The following DAB1 variants were observed in gnomAD, a reference collection of about 807,000 sequenced individuals.
DAB1 encodes disabled homolog 1.
DAB1 carries 15 observed loss-of-function variants against 64.6 expected under a neutral mutation model. The ratio of observed to expected loss-of-function variants is 0.23; its 90% confidence interval spans 0.16 to 0.36. The LOEUF is 0.36. Ranked by LOEUF, DAB1 falls within the 10% of genes least tolerant of loss-of-function variation. The probability of loss-of-function intolerance (pLI) is 1.00; values close to 1 mark genes in which losing one functional copy is unlikely to be tolerated. For synonymous variants in DAB1, 235 were observed against 251.9 expected, an observed-to-expected ratio of 0.93 and a Z score of 0.64; for missense variants, 596 against 706.7, an observed-to-expected ratio of 0.84 and a Z score of 1.78.
chr1:58,247,551 G>C lies in DAB1; in HGVS notation n.309+95801C>G, dbSNP rs373825913. 1.0e-3 allele frequency among the ~76,000 whole-genome samples: 159 copies of C among 152,284 alleles called. 1 individual carries two copies. Among genetic ancestry groups the C allele is most frequent in the African/African-American group, 3.8e-3 (158 of 41,554 alleles). On this transcript the variant is annotated intron_variant and non_coding_transcript_variant, in intron 4 of 20. Coordinates refer to the DAB1 transcript ENST00000485760. ...GAAACAGAGTTCGTGACTTTCTGTG[G>C]TACAATGTGTATTTCACAAATAATT...
chr1:57,527,205 C>A (rs935180697), intron 7 of DAB1, among the ~76,000 whole-genome samples: 1 of 152,178 alleles, frequency 6.6e-6, no homozygotes, highest in Non-Finnish European at 1.5e-5. Flanking sequence ...CCAAGACGCA[C>A]CTGTCTCAGA....
intron 3 of DAB1, among the ~76,000 whole-genome samples, chr1:58,365,380 CAG>C: frequency 6.6e-6 from 1 of 152,340 alleles, no homozygotes; most frequent in South Asian, 2.1e-4. Context: ...GTGTGGTCTA[CAG>C]AGAGTCTGGA....
intron 7 of DAB1, among the ~76,000 whole-genome samples, chr1:57,623,604 C>A (rs1645887767): frequency 6.6e-6 from 1 of 152,068 alleles, no homozygotes; most frequent in Admixed American, 6.6e-5. Context: ...CTGAGTGGGA[C>A]ATGCAAGAGG....
intron 2 of DAB1, among the ~76,000 whole-genome samples, chr1:57,194,926 G>A (rs1664499871): frequency 6.6e-6 from 1 of 152,228 alleles, no homozygotes; most frequent in Admixed American, 6.5e-5. Flanking sequence ...GGAGGGACAA[G>A]AGGCTCATTC....
chr1:58,254,383 A>AT (rs111526055), intron 4 of DAB1, among the ~76,000 whole-genome samples: 64,914 of 145,512 alleles, frequency 0.45, 15,056 homozygotes, highest in East Asian at 0.67. Context: ...GAATTTATTT[A>AT]TTTTTTTTTC....
At chr1:58,111,691 T>C (rs757384195) in intron 5 of DAB1, among the ~76,000 whole-genome samples, 14 of 152,080 alleles carry the variant, frequency 9.2e-5, no homozygotes, top group Non-Finnish European at 1.3e-4. Flanking sequence ...CTTATCTGAG[T>C]TCTATCTCTT....
chr1:57,434,790 T>C (rs1685629873), intron 7 of DAB1, among the ~76,000 whole-genome samples: 3 of 152,194 alleles, frequency 2.0e-5, no homozygotes, highest in African/African-American at 7.2e-5. Context: ...ACAATGGTAT[T>C]TATGTATCTA....
intron 6 of DAB1, among the ~76,000 whole-genome samples, chr1:57,802,549 A>G (rs771850594): frequency 3.9e-5 from 6 of 152,168 alleles, no homozygotes; most frequent in Non-Finnish European, 8.8e-5. Context: ...CCCTGCCCAA[A>G]TCCAGTGTCG....
chr1:57,148,718 A>G (rs1659380757), intron 2 of DAB1, among the ~76,000 whole-genome samples: 2 of 152,216 alleles, frequency 1.3e-5, no homozygotes, highest in African/African-American at 4.8e-5. Flanking sequence ...AGGGTTTCAC[A>G]CGCAATTTCT....
At chr1:58,326,042 T>G (rs1339272533) in intron 4 of DAB1, among the ~76,000 whole-genome samples, 1 of 152,112 alleles carries the variant, frequency 6.6e-6, no homozygotes, top group Non-Finnish European at 1.5e-5. Context: ...GCTAAGGAAA[T>G]CTACTCCTTC....
rs137887133 is a variant in DAB1, at chr1:57,580,703, A to G, written n.625+68889T>C. The stretch of plus-strand genomic sequence containing the variant: ...GGAATTTGGACTAATGATAATTATA[A>G]TAATTGCAGCTACTCGTCACGGAGC... On this transcript the variant is annotated intron_variant and non_coding_transcript_variant, in intron 7 of 20. Coordinates refer to the DAB1 transcript ENST00000485760. Among the ~76,000 whole-genome samples, 548 of 152,332 alleles carry G rather than the reference A, an allele frequency of 3.6e-3. 4 individuals carry two copies. Among genetic ancestry groups the G allele is most frequent in the African/African-American group, 0.013 (522 of 41,580 alleles).
intron 1 of DAB1, among the ~76,000 whole-genome samples, chr1:57,832,645 C>T (rs1431204000): frequency 6.6e-6 from 1 of 152,188 alleles, no homozygotes; most frequent in Admixed American, 6.5e-5. Context: ...TGAATAATTG[C>T]AGCTTGCCTA....
At chr1:58,359,488 C>T (rs1644143017) in intron 3 of DAB1, among the ~76,000 whole-genome samples, 2 of 152,168 alleles carry the variant, frequency 1.3e-5, no homozygotes, top group Non-Finnish European at 2.9e-5. Context: ...TGAGGCATTG[C>T]CTCATTCTGG....
intron 6 of DAB1, among the ~76,000 whole-genome samples, chr1:57,741,884 C>A (rs984882492): frequency 6.6e-6 from 1 of 152,088 alleles, no homozygotes; most frequent in East Asian, 1.9e-4. Flanking sequence ...CAAGTATAAC[C>A]TGTAATAAGA....
chr1:57,163,628 T>G (rs902378626), intron 2 of DAB1, among the ~76,000 whole-genome samples: 13 of 151,962 alleles, frequency 8.6e-5, no homozygotes, highest in Non-Finnish European at 1.9e-4. Context: ...TTTTTCTGAA[T>G]GCTCTGTGGA....
chr1:58,315,955 C>G (rs1662548940), intron 4 of DAB1, among the ~76,000 whole-genome samples: 1 of 152,088 alleles, frequency 6.6e-6, no homozygotes, highest in South Asian at 2.1e-4. Flanking sequence ...TCAATGAAAA[C>G]AATCAGTCAA....
chr1:57,731,672 G>A (rs1444565587), intron 6 of DAB1, among the ~76,000 whole-genome samples: 2 of 151,964 alleles, frequency 1.3e-5, no homozygotes, highest in African/African-American at 2.4e-5. Flanking sequence ...AGGCATGGTG[G>A]TGCATGTCTG....
At chr1:58,425,000 A>C (rs1049909727) in intron 3 of DAB1, among the ~76,000 whole-genome samples, 7 of 152,354 alleles carry the variant, frequency 4.6e-5, no homozygotes, top group African/African-American at 1.7e-4. Context: ...AGCATTAAGC[A>C]TATGGCTCCG....
intron 7 of DAB1, among the ~76,000 whole-genome samples, chr1:57,559,871 G>T (rs1178735859): frequency 1.3e-5 from 2 of 152,216 alleles, no homozygotes; most frequent in African/African-American, 4.8e-5. Context: ...GGATTGCGAA[G>T]ATTAGTGCCA....
Sources: allele counts gnomAD v4.1 joint callset (sites outside exome capture counted in the v4.1 genomes callset), GRCh38; gene constraint gnomAD v4.1.1; transcripts MANE v1.5; gene names NCBI Gene and HGNC (gene_info 2026-07-23, HGNC 2026-07-21).